Variants in TFAP2D observed in about 807,000 individuals in gnomAD.
The protein encoded by TFAP2D is transcription factor AP-2-delta.
TFAP2D carries 9 observed loss-of-function variants against 43.6 expected under a neutral mutation model. That is an observed-to-expected ratio of 0.21 (90% confidence interval 0.12 to 0.36). The LOEUF (loss-of-function observed/expected upper bound fraction) is 0.36, where lower values mean the gene tolerates loss of function less well. Ranked by LOEUF, TFAP2D falls within the 10% of genes least tolerant of loss-of-function variation. TFAP2D has a pLI of 1.00. For missense variants in TFAP2D, 513 were observed against 561.4 expected (o/e 0.91, Z 0.87); for synonymous variants, 256 against 224.9 (o/e 1.14, Z -1.24).
At chr6:50,723,397 G>C (rs1299733669) in intron 3 of TFAP2D, among the ~76,000 whole-genome samples, 3 of 152,216 alleles carry the variant, frequency 2.0e-5, no homozygotes, top group African/African-American at 7.2e-5. Flanking sequence ...GATTCTTTCA[G>C]CAGCTCCTGA....
chr6:50,758,774 A>G (rs557672758), intron 7 of TFAP2D, among the ~76,000 whole-genome samples: 119 of 152,148 alleles, frequency 7.8e-4, no homozygotes, highest in African/African-American at 2.6e-3. Flanking sequence ...TTCTTCACCA[A>G]GCATTCTTTA....
At chr6:50,766,434 C>T (rs1769441884) in intron 7 of TFAP2D, among the ~76,000 whole-genome samples, 1 of 151,944 alleles carries the variant, frequency 6.6e-6, no homozygotes, top group African/African-American at 2.4e-5. Context: ...TGCACTGAAT[C>T]CATAGATTGG....
At position 50,729,421 on chromosome 6, in the gene TFAP2D, A is replaced by T. The variant is rs147809215; in HGVS notation, c.883+109A>T. On this transcript the variant is annotated intron_variant, in intron 5 of 7. Transcript: ENST00000008391. Reference sequence around the variant, plus strand: ...TTTTGTCTGTACCATTAAGCAAGTCAGTTAACAGTTAAGGTAAATTTCCTA... The same window carrying T: ...TTTTGTCTGTACCATTAAGCAAGTCTGTTAACAGTTAAGGTAAATTTCCTA... 1.3e-5 allele frequency: 11 copies of T among 823,798 alleles called. No individual in the cohort carries two copies. In the Admixed American group the frequency reaches 2.6e-4, roughly 19 times the overall value. The allele number at this position is 823,798 out of a possible 1,614,324, so 51.0% of individuals were successfully genotyped here.
At chr6:50,719,715 G>A (rs1768688957) in intron 3 of TFAP2D, among the ~76,000 whole-genome samples, 1 of 152,192 alleles carries the variant, frequency 6.6e-6, no homozygotes, top group Non-Finnish European at 1.5e-5. Context: ...ATTTTTCTAA[G>A]TGTCCAGGAC....
chr6:50,768,258 T>A (rs1769472045), intron 7 of TFAP2D, among the ~76,000 whole-genome samples: 1 of 150,136 alleles, frequency 6.7e-6, no homozygotes, highest in African/African-American at 2.5e-5. Context: ...AGTCAGACCT[T>A]CTATTTCTAA....
At position 50,715,582 on chromosome 6, in the gene TFAP2D, G is replaced by A. The variant is rs779402844; in HGVS notation, c.506G>A (p.Gly169Glu). The change falls in exon 2 of 8, where the codon GGG becomes GAG. Residue 169 changes from glycine to glutamate, a missense_variant. Transcript: ENST00000008391. ...AGACTCCTGCCAGGGCCCAGCCTGG[G>A]GCTGGCCGCCGCGGGAGCAGACGAC... ...DQRLLPGPSL[G>E]LAAAGADDLQ... 3.1e-5 allele frequency: 49 copies of A among 1,599,640 alleles called. No individual in the cohort carries two copies. The highest frequency in any genetic ancestry group is 3.6e-5 in the Non-Finnish European group (42 of 1,172,028).
chr6:50,756,778 C>T (rs1364081597), intron 7 of TFAP2D, among the ~76,000 whole-genome samples: 2 of 152,088 alleles, frequency 1.3e-5, no homozygotes, highest in Middle Eastern at 3.4e-3. Flanking sequence ...TTGACATCTG[C>T]AGAAGACCCC....
At chr6:50,718,181 G>A (rs1238661880) in intron 2 of TFAP2D, 1 of 151,644 alleles carries the variant, frequency 6.6e-6, no homozygotes. Context: ...AAATAAGAAA[G>A]AGCTTGTGAG....
intron 7 of TFAP2D, among the ~76,000 whole-genome samples, chr6:50,752,256 A>G (rs1769211086): frequency 6.6e-6 from 1 of 151,962 alleles, no homozygotes; most frequent in South Asian, 2.1e-4. Context: ...TTGGAAGCAT[A>G]TTTTAAATTT....
chr6:50,746,439 T>C (rs975915848), intron 6 of TFAP2D, among the ~76,000 whole-genome samples: 1 of 152,090 alleles, frequency 6.6e-6, no homozygotes, highest in Non-Finnish European at 1.5e-5. Context: ...ATTTTTGCCA[T>C]GTTGCCCAGG....
intron 7 of TFAP2D, among the ~76,000 whole-genome samples, chr6:50,770,551 C>A (rs1769513541): frequency 1.3e-5 from 2 of 152,118 alleles, no homozygotes; most frequent in Admixed American, 1.3e-4. Context: ...CAATCTCTAT[C>A]ATTTATCTAA....
chr6:50,713,949 T>A lies in TFAP2D; in HGVS notation c.-107T>A. ...ATTTAGATATCTACCTATAGAACATTTTTTTTTTCCTTTAAAAATTGGAAA... is the reference window on the plus strand; with the variant it reads ...ATTTAGATATCTACCTATAGAACATATTTTTTTTCCTTTAAAAATTGGAAA... On this transcript the variant is annotated 5_prime_UTR_variant, in exon 1 of 8. Coordinates refer to ENST00000008391, the MANE Select transcript of TFAP2D (RefSeq NM_172238.4). The A allele has an allele frequency of 2.2e-6, 3 of 1,390,558 alleles. No homozygotes were observed. Among genetic ancestry groups the A allele is most frequent in the Non-Finnish European group, 2.9e-6 (3 of 1,028,138 alleles). 86.1% of individuals were successfully genotyped at this position (1,390,558 alleles called of 1,614,324 possible). A position where few individuals can be genotyped will look rare whatever the true frequency, so the allele number is the denominator to read the frequency against.
At chr6:50,737,683 C>A (rs1254971673) in intron 5 of TFAP2D, among the ~76,000 whole-genome samples, 4 of 152,066 alleles carry the variant, frequency 2.6e-5, no homozygotes, top group African/African-American at 9.7e-5. Flanking sequence ...TACTATTTTG[C>A]AATCAATTTT....
chr6:50,727,195 C>G (rs1220506534), intron 3 of TFAP2D, among the ~76,000 whole-genome samples: 1 of 152,074 alleles, frequency 6.6e-6, no homozygotes, highest in Non-Finnish European at 1.5e-5. Context: ...ATCTTGGTCT[C>G]CAGCACTTGC....
rs1330948758 is a variant in TFAP2D at position 50,715,601 on chromosome 6, A to G, written c.525A>G (p.Ala175=). ...GPSLGLAAAG[A]DDLQGSVEAQ... is the part of the protein sequence containing the mutation. ...GCCTGGGGCTGGCCGCCGCGGGAGC[A>G]GACGACTTGCAGGTAAATAAGCATG... The change falls in exon 2 of 8, where the codon GCA becomes GCG. Residue 175 remains alanine, a synonymous_variant. Transcript: ENST00000008391. 1 of 1,595,282 alleles carries G rather than the reference A, an allele frequency of 6.3e-7. No individual in the cohort carries two copies. Among genetic ancestry groups the G allele is most frequent in the Non-Finnish European group, 8.5e-7 (1 of 1,169,872 alleles).
At chr6:50,731,792 C>A (rs567438309) in intron 5 of TFAP2D, among the ~76,000 whole-genome samples, 16 of 152,114 alleles carry the variant, frequency 1.1e-4, no homozygotes, top group African/African-American at 3.6e-4. Context: ...GTGGTAACAG[C>A]TGATGACTCC....
intron 5 of TFAP2D, among the ~76,000 whole-genome samples, chr6:50,736,051 CAT>C (rs1199117211): frequency 1.3e-5 from 2 of 152,084 alleles, no homozygotes; most frequent in Non-Finnish European, 2.9e-5. Flanking sequence ...GTGGTGGTGA[CAT>C]ATGAAACTAA....
At chr6:50,745,036 C>A in intron 5 of TFAP2D, 71 bp from the exon 6 acceptor site, 2 of 1,560,922 alleles carry the variant, frequency 1.3e-6, no homozygotes, top group Admixed American at 4.0e-5. Context: ...GAGGCTTGAG[C>A]AAAATGCAAG....
chr6:50,734,321 A>G (rs1348364998), intron 5 of TFAP2D, among the ~76,000 whole-genome samples: 1 of 152,058 alleles, frequency 6.6e-6, no homozygotes, highest in African/African-American at 2.4e-5. Flanking sequence ...TGGACTGGTT[A>G]CTTAACCTAG....
Sources: allele counts gnomAD v4.1 joint callset (sites outside exome capture counted in the v4.1 genomes callset), GRCh38; gene constraint gnomAD v4.1.1; transcripts MANE v1.5; gene names NCBI Gene and HGNC (gene_info 2026-07-23, HGNC 2026-07-21).